RAD54L2: variants seen among roughly 807,000 people sequenced by gnomAD.
RAD54L2 encodes the protein RAD54 like 2, also known as helicase ARIP4.
RAD54L2 carries 27 observed loss-of-function variants against 138.4 expected under a neutral mutation model. The ratio of observed to expected loss-of-function variants is 0.20; its 90% CI spans 0.14 to 0.27. The LOEUF (loss-of-function observed/expected upper bound fraction) is 0.27, where lower values mean the gene tolerates loss of function less well. Among genes scored for constraint, RAD54L2 ranks in the 10% least tolerant of loss-of-function variants. The pLI is 1.00. For synonymous variants in RAD54L2, 644 were observed against 723.2 expected (o/e 0.89, Z 1.76); for missense variants, 1,396 against 1,890.2 (o/e 0.74, Z 4.85).
intron 20 of RAD54L2, 24 bp downstream of exon 20, chr3:51,656,194 C>G (rs1701596242): frequency 6.4e-7 from 1 of 1,562,208 alleles, no homozygotes; most frequent in Non-Finnish European, 8.7e-7. Context: ...GGCTCTGTGG[C>G]AGAGCTGCTG....
intron 2 of RAD54L2, among the ~76,000 whole-genome samples, chr3:51,578,788 T>C (rs1699541502): frequency 6.6e-6 from 1 of 152,128 alleles, no homozygotes; most frequent in Non-Finnish European, 1.5e-5. Flanking sequence ...CAGTACTCTT[T>C]TAGCTTTGTA....
chr3:51,614,417 A>G (rs1700399735), intron 3 of RAD54L2, among the ~76,000 whole-genome samples: 1 of 151,178 alleles, frequency 6.6e-6, no homozygotes, highest in South Asian at 2.1e-4. Context: ...TTCTGCCTCA[A>G]CCTCCCAAAG....
chr3:51,563,078 G>T (rs1699134319), intron 2 of RAD54L2, among the ~76,000 whole-genome samples: 1 of 152,074 alleles, frequency 6.6e-6, no homozygotes, highest in Non-Finnish European at 1.5e-5. Context: ...TTCCTGACCT[G>T]TCGTGTGTAT....
At chr3:51,599,940 A>T (rs1317014159) in intron 3 of RAD54L2, among the ~76,000 whole-genome samples, 1 of 136,732 alleles carries the variant, frequency 7.3e-6, no homozygotes, top group Non-Finnish European at 1.6e-5. Flanking sequence ...TTTATTTTTT[A>T]TTTTTTTTGA....
intron 2 of RAD54L2, among the ~76,000 whole-genome samples, chr3:51,566,164 T>G (rs1182013679): frequency 6.6e-6 from 1 of 152,180 alleles, no homozygotes; most frequent in African/African-American, 2.4e-5. Flanking sequence ...TGACTATAGA[T>G]TTGCTATGTT....
chr3:51,553,298 G>A (rs1219550749), intron 2 of RAD54L2, among the ~76,000 whole-genome samples: 1 of 151,882 alleles, frequency 6.6e-6, no homozygotes, highest in East Asian at 1.9e-4. Context: ...GGATGGTCTC[G>A]ATTTCTTGAC....
chr3:51,625,289 G>A (rs1448622146), intron 3 of RAD54L2, among the ~76,000 whole-genome samples: 4 of 151,982 alleles, frequency 2.6e-5, no homozygotes, highest in Admixed American at 6.6e-5. Flanking sequence ...GTGGTGGCAC[G>A]TGCCTGTAAT....
chr3:51,552,475 G>T (rs934225306), intron 2 of RAD54L2, among the ~76,000 whole-genome samples: 4 of 151,508 alleles, frequency 2.6e-5, no homozygotes, highest in Non-Finnish European at 5.9e-5. Flanking sequence ...TCTTAGCCAG[G>T]ATGTTCTCCA....
At chr3:51,588,524 A>G (rs1204971314) in intron 2 of RAD54L2, among the ~76,000 whole-genome samples, 2 of 147,196 alleles carry the variant, frequency 1.4e-5, no homozygotes, top group African/African-American at 5.0e-5. Flanking sequence ...GACAGAGTGA[A>G]ACTGCATCTC....
In RAD54L2 at chr3:51,646,388, C is replaced by T; in HGVS notation, c.2933C>T (p.Thr978Ile). 6.2e-7 allele frequency: 1 copy of T among 1,613,790 alleles called. No individual in the cohort carries two copies. Among genetic ancestry groups the T allele is most frequent in the Non-Finnish European group, 8.5e-7 (1 of 1,179,794 alleles). ...AKKSYEEDKR[T>I]SVPYTRPSYA... ...AAAAGCTATGAGGAAGACAAACGCA[C>T]ATCAGTCCCCTATACCCGCCCATCG... The change falls in exon 19 of 23, where the codon ACA becomes ATA. Residue 978 changes from threonine (T) to isoleucine (I), a missense_variant. By Grantham distance (89) the Thr-to-Ile change is moderately conservative (BLOSUM62 -1). Transcript: ENST00000684192.
chr3:51,583,970 G>C (rs1699661713), intron 2 of RAD54L2, among the ~76,000 whole-genome samples: 1 of 151,920 alleles, frequency 6.6e-6, no homozygotes, highest in African/African-American at 2.4e-5. Context: ...GGGACTCCCA[G>C]GGGTTCCCAG....
At chr3:51,560,252 G>A (rs1236081298) in intron 2 of RAD54L2, among the ~76,000 whole-genome samples, 2 of 152,070 alleles carry the variant, frequency 1.3e-5, no homozygotes, top group African/African-American at 2.4e-5. Context: ...CCCTGGTTAG[G>A]GAAACCTGGA....
chr3:51,608,318 G>A (rs1700250045), intron 3 of RAD54L2, among the ~76,000 whole-genome samples: 1 of 151,916 alleles, frequency 6.6e-6, no homozygotes, highest in Non-Finnish European at 1.5e-5. Flanking sequence ...TGACGGCCGG[G>A]AAGAGGCAAT....
In RAD54L2 at chr3:51,541,616, G is replaced by GTGC. The variant is rs1254310732; in HGVS notation, c.-86_-84dup. On this transcript the variant is annotated 5_prime_UTR_variant, in exon 2 of 23. Transcript: ENST00000684192. ...TGGGAGTGTCTGCTGATCACTTGGAGTGCTGTCCCTTGGAACAGGAGGAGT... is the reference window on the plus strand; with the variant it reads ...TGGGAGTGTCTGCTGATCACTTGGAGTGCTGCTGTCCCTTGGAACAGGAGGAGT... 1 of 152,196 alleles carries GTGC rather than the reference G, an allele frequency of 6.6e-6. No homozygotes were observed. Among genetic ancestry groups the GTGC allele is most frequent in the African/African-American group, 2.4e-5 (1 of 41,456 alleles). The allele number at this position is 152,196 out of a possible 1,614,324, so 9.4% of individuals were successfully genotyped here.
At chr3:51,586,839 G>A (rs1699721061) in intron 2 of RAD54L2, among the ~76,000 whole-genome samples, 1 of 152,062 alleles carries the variant, frequency 6.6e-6, no homozygotes, top group African/African-American at 2.4e-5. Context: ...AAAGTGCTGG[G>A]ATTACAGATG....
intron 2 of RAD54L2, among the ~76,000 whole-genome samples, chr3:51,544,933 T>C (rs1553671944): frequency 1.3e-5 from 2 of 152,106 alleles, no homozygotes; most frequent in African/African-American, 4.8e-5. Context: ...CACTAGGATA[T>C]TGTGAATTTT....
intron 19 of RAD54L2, among the ~76,000 whole-genome samples, chr3:51,653,808 C>T (rs867459385): frequency 1.3e-4 from 20 of 152,188 alleles, no homozygotes; most frequent in Middle Eastern, 3.4e-3. Flanking sequence ...GGAGGGATAG[C>T]ATTAGGAGAA....
rs1701036713 is a variant in RAD54L2 at position 51,638,210 on chromosome 3, C to T, written c.1749C>T (p.Leu583=). ...AAGAAAATGTGATCCTTGTGCGGCT[C>T]TCCAAGATCCAGCGAGATTTGTATA... is the stretch of plus-strand genomic sequence containing the variant. The part of the protein sequence containing the change: ...AKEENVILVR[L]SKIQRDLYTQ... Residue 583 remains leucine (L), a synonymous_variant, in exon 12 of 23, where the codon CTC becomes CTT. Coordinates refer to ENST00000684192, the MANE Select transcript of RAD54L2 (RefSeq NM_015106.4). This position sits in a 1 kb window ranked among gnomAD's most constrained non-coding sequence, Gnocchi z 4.3. 2.5e-6 allele frequency: 4 copies of T among 1,614,034 alleles called. No individual in the cohort carries two copies. The South Asian group carries it at 4.4e-5, about 18-fold the overall frequency.
At chr3:51,567,994 A>G (rs974629719) in intron 2 of RAD54L2, among the ~76,000 whole-genome samples, 1 of 151,706 alleles carries the variant, frequency 6.6e-6, no homozygotes, top group Non-Finnish European at 1.5e-5. Flanking sequence ...TTTGGATGTG[A>G]AGGTGAAGTT....
Sources: allele counts gnomAD v4.1 joint callset (sites outside exome capture counted in the v4.1 genomes callset), GRCh38; gene constraint gnomAD v4.1.1; non-coding constraint Gnocchi (gnomAD v3.1); transcripts MANE v1.5; gene names NCBI Gene and HGNC (gene_info 2026-07-23, HGNC 2026-07-21).